Variants in RBFOX1 observed in about 807,000 individuals in gnomAD.
RBFOX1 encodes the protein RNA binding fox-1 homolog 1.
A neutral mutation model predicts 57.7 loss-of-function variants in RBFOX1; 8 were observed. The observed-to-expected ratio is 0.14, with a 90% CI of 0.08 to 0.25. RBFOX1 has a LOEUF of 0.25. RBFOX1 is among the 10% of genes least tolerant of loss of function. RBFOX1 has a pLI of 1.00. For missense variants in RBFOX1, 611 were observed against 548.5 expected, an observed-to-expected ratio of 1.11 and a Z score of -1.14; for synonymous variants, 326 against 222.4, an observed-to-expected ratio of 1.47 and a Z score of -4.15.
At chr16:5,427,387 C>G (rs2067594189) in intron 1 of RBFOX1, among the ~76,000 whole-genome samples, 1 of 152,162 alleles carries the variant, frequency 6.6e-6, no homozygotes, top group Non-Finnish European at 1.5e-5. Context: ...GAGTTCAAGA[C>G]CAGCTTGGCC....
intron 3 of RBFOX1, among the ~76,000 whole-genome samples, chr16:6,876,329 C>T (rs2061839457): frequency 6.6e-6 from 1 of 152,140 alleles, no homozygotes; most frequent in African/African-American, 2.4e-5. Context: ...CAATGAATGA[C>T]TTGTTGACTA....
chr16:5,813,739 A>C (rs890671254), intron 3 of RBFOX1, among the ~76,000 whole-genome samples: 1 of 152,238 alleles, frequency 6.6e-6, no homozygotes, highest in Admixed American at 6.5e-5. Flanking sequence ...TAGCAGAGCT[A>C]CTGGCATCAG....
At chr16:5,734,406 C>T (rs1002086658) in intron 3 of RBFOX1, among the ~76,000 whole-genome samples, 5 of 152,006 alleles carry the variant, frequency 3.3e-5, no homozygotes, top group African/African-American at 7.3e-5. Flanking sequence ...CCAGCCTGGG[C>T]AAGAGAACAA....
At chr16:5,493,792 G>C (rs1051174156) in intron 2 of RBFOX1, among the ~76,000 whole-genome samples, 3 of 152,198 alleles carry the variant, frequency 2.0e-5, no homozygotes, top group African/African-American at 7.2e-5. Flanking sequence ...GAACGCACAA[G>C]GTAACCACAC....
chr16:5,861,520 C>T (rs2057212801), intron 3 of RBFOX1, among the ~76,000 whole-genome samples: 2 of 152,214 alleles, frequency 1.3e-5, no homozygotes, highest in South Asian at 4.1e-4. Context: ...TTTGCTCTCC[C>T]ACCTGGGACT....
At chr16:5,939,407 G>A (rs374431263) in intron 4 of RBFOX1, among the ~76,000 whole-genome samples, 1 of 152,198 alleles carries the variant, frequency 6.6e-6, no homozygotes, top group Non-Finnish European at 1.5e-5. Flanking sequence ...GTCATCTGAA[G>A]GTCTGACTGG....
chr16:6,810,480 AC>A (rs1322292609), intron 3 of RBFOX1, among the ~76,000 whole-genome samples: 1 of 152,038 alleles, frequency 6.6e-6, no homozygotes, highest in Admixed American at 6.6e-5. Flanking sequence ...CGTTCATGGC[AC>A]CGTTCATGAG....
At chr16:5,789,949 A>AT (rs1201342811) in intron 3 of RBFOX1, among the ~76,000 whole-genome samples, 1 of 152,206 alleles carries the variant, frequency 6.6e-6, no homozygotes, top group Non-Finnish European at 1.5e-5. Context: ...GGTGGCTGCT[A>AT]TAACAGATAG....
At chr16:6,224,979 A>G (rs1346753918) in intron 1 of RBFOX1, among the ~76,000 whole-genome samples, 2 of 140,018 alleles carry the variant, frequency 1.4e-5, no homozygotes, top group Non-Finnish European at 3.0e-5. Context: ...AGATTGTGCC[A>G]TTACACTCCA....
At chr16:5,679,933 TC>T (rs2050279586) in intron 3 of RBFOX1, among the ~76,000 whole-genome samples, 1 of 152,218 alleles carries the variant, frequency 6.6e-6, no homozygotes, top group South Asian at 2.1e-4. Context: ...TATTCATGCT[TC>T]CTGTCATTGC....
At position 5,695,369 on chromosome 16, in the gene RBFOX1, A is replaced by T. The variant is rs1331796134; in HGVS notation, c.318+96408A>T. Among the ~76,000 whole-genome samples the T allele has an allele frequency of 3.9e-5, 6 of 152,212 alleles. No individual in the cohort carries two copies. In the South Asian group the frequency reaches 8.3e-4, roughly 21 times the overall value. Reference sequence around the variant, plus strand: ...AGTTTTCTATGAAAGAGCCACAGCAATAAGAGCAAGCAGGATGGTAAATCG... The same window carrying T: ...AGTTTTCTATGAAAGAGCCACAGCATTAAGAGCAAGCAGGATGGTAAATCG... On this transcript the variant is annotated intron_variant, in intron 3 of 19. Coordinates refer to the RBFOX1 transcript ENST00000641259.
intron 1 of RBFOX1, chr16:5,365,857 G>A (rs915318829): frequency 1.2e-5 from 6 of 513,432 alleles, no homozygotes; most frequent in African/African-American, 9.7e-5. Flanking sequence ...CTTTTCGGGT[G>A]TGAACTCAAG....
At chr16:5,555,822 G>C (rs1233079423) in intron 2 of RBFOX1, among the ~76,000 whole-genome samples, 1 of 151,922 alleles carries the variant, frequency 6.6e-6, no homozygotes, top group East Asian at 2.0e-4. Context: ...GGGAGTTCGA[G>C]ACGAGCCTCA....
Position 6,594,366 on chromosome 16 carries a change from C to G in RBFOX1, c.-63-60237C>G, listed in dbSNP as rs117968117. On this transcript the variant is annotated intron_variant, in intron 2 of 15. Coordinates refer to ENST00000550418, the MANE Select transcript of RBFOX1 (RefSeq NM_018723.4). Reference sequence around the variant, plus strand: ...ATCCTTACCAATGTTATGAGAAAAACAAGAATGCATGTGCGATTATAAATG... The same window carrying G: ...ATCCTTACCAATGTTATGAGAAAAAGAAGAATGCATGTGCGATTATAAATG... Among the ~76,000 whole-genome samples the G allele has an allele frequency of 1.2e-4, 19 of 152,232 alleles. No homozygotes were observed. The East Asian group carries it at 3.1e-3, about 25-fold the overall frequency.
In RBFOX1 at chr16:7,196,408, C is replaced by T. The variant is rs539229870; in HGVS notation, c.27+144310C>T. Among the ~76,000 whole-genome samples the T allele has an allele frequency of 5.9e-5, 9 of 152,266 alleles. No homozygotes were observed. The South Asian group carries it at 8.3e-4, about 14-fold the overall frequency. On this transcript the variant is annotated intron_variant, in intron 4 of 15. Transcript: ENST00000550418. Reference sequence around the variant, plus strand: ...CATTTGCCACTGACTTGCTTAGCAGCACAAAATCAAGAAACATCTTTCATT... The same window carrying T: ...CATTTGCCACTGACTTGCTTAGCAGTACAAAATCAAGAAACATCTTTCATT...
chr16:5,836,875 G>T (rs1252958161), intron 3 of RBFOX1, among the ~76,000 whole-genome samples: 2 of 152,154 alleles, frequency 1.3e-5, no homozygotes, highest in Non-Finnish European at 2.9e-5. Context: ...TTCTTGCTAA[G>T]GATCTTAGCT....
intron 4 of RBFOX1, among the ~76,000 whole-genome samples, chr16:7,489,514 T>C (rs1321205179): frequency 9.0e-6 from 1 of 110,808 alleles, no homozygotes; most frequent in Non-Finnish European, 1.9e-5. Flanking sequence ...TTATTATTAT[T>C]ATTTTTTTTT....
intron 4 of RBFOX1, among the ~76,000 whole-genome samples, chr16:7,215,054 C>G (rs939589451): frequency 6.6e-6 from 1 of 152,114 alleles, no homozygotes; most frequent in African/African-American, 2.4e-5. Flanking sequence ...TCTCCCTCTC[C>G]TTGTCTCCAC....
chr16:6,639,367 A>G (rs1213136387), intron 2 of RBFOX1, among the ~76,000 whole-genome samples: 1 of 152,138 alleles, frequency 6.6e-6, no homozygotes, highest in African/African-American at 2.4e-5. Context: ...GTAGGTGTTG[A>G]GATAGACTAT....
Sources: allele counts gnomAD v4.1 joint callset (sites outside exome capture counted in the v4.1 genomes callset), GRCh38; gene constraint gnomAD v4.1.1; transcripts MANE v1.5; gene names NCBI Gene and HGNC (gene_info 2026-07-23, HGNC 2026-07-21).